Variants in DLG2 observed in about 807,000 individuals in gnomAD.
DLG2 encodes the protein discs large MAGUK scaffold protein 2, also known as disks large homolog 2.
Under a neutral mutation model 132.5 loss-of-function variants are expected in DLG2, and 45 were observed. The ratio of observed to expected loss-of-function variants is 0.34; its 90% CI spans 0.27 to 0.44. The LOEUF is 0.44. Ranked by LOEUF, DLG2 falls within the 20% of genes least tolerant of loss-of-function variation. The pLI, the probability that DLG2 is intolerant of heterozygous loss-of-function variation, is 1.00. For missense variants in DLG2, 1,045 were observed against 1,196.9 expected (o/e 0.87, Z 1.87); for synonymous variants, 424 against 419.6 (o/e 1.01, Z -0.13).
At chr11:85,387,070 T>C (rs1160437245) in intron 3 of DLG2, among the ~76,000 whole-genome samples, 2 of 151,998 alleles carry the variant, frequency 1.3e-5, no homozygotes, top group Admixed American at 6.6e-5. Context: ...GTATTTTTAG[T>C]AGAGACAGGG....
intron 7 of DLG2, among the ~76,000 whole-genome samples, chr11:84,504,269 G>A (rs1254072671): frequency 1.3e-5 from 2 of 152,220 alleles, no homozygotes; most frequent in East Asian, 1.9e-4. Flanking sequence ...ACAAAGGGGT[G>A]AAATGTTTCA....
chr11:85,620,214 C>T (rs756809865), intron 2 of DLG2, among the ~76,000 whole-genome samples: 96 of 152,170 alleles, frequency 6.3e-4, no homozygotes, highest in African/African-American at 2.0e-3. Context: ...TGTTTTGGGG[C>T]GCCACAAATC....
chr11:84,452,329 G>C (rs2099053873), intron 7 of DLG2, among the ~76,000 whole-genome samples: 1 of 151,702 alleles, frequency 6.6e-6, no homozygotes, highest in African/African-American at 2.4e-5. Context: ...GTGGAAAGCA[G>C]ATCTTGTAAG....
chr11:85,226,346 A>T (rs2074977020), intron 4 of DLG2, among the ~76,000 whole-genome samples: 1 of 152,128 alleles, frequency 6.6e-6, no homozygotes, highest in African/African-American at 2.4e-5. Context: ...ACAAACCAGG[A>T]TGTTGTGTGT....
chr11:84,093,287 G>T (rs948752554), intron 10 of DLG2, among the ~76,000 whole-genome samples: 2 of 152,140 alleles, frequency 1.3e-5, no homozygotes, highest in Admixed American at 1.3e-4. Flanking sequence ...CCTTGAGTTT[G>T]TGGGACTGAG....
intron 7 of DLG2, among the ~76,000 whole-genome samples, chr11:84,373,265 C>CAAAAAAAAAAAAAAAAAAAAAACAAAA (rs59038372): frequency 1.0e-5 from 1 of 98,090 alleles, no homozygotes; most frequent in Non-Finnish European, 1.8e-5. Context: ...AAAAAAAAAA[C>CAAAAAAAAAAAAAAAAAAAAAACAAAA]AAAACAAAAA....
chr11:85,600,552 T>C (rs918465885), intron 2 of DLG2, among the ~76,000 whole-genome samples: 1 of 152,244 alleles, frequency 6.6e-6, no homozygotes, highest in African/African-American at 2.4e-5. Context: ...CAACCTTTAA[T>C]TGTAAATTCC....
intron 7 of DLG2, among the ~76,000 whole-genome samples, chr11:84,385,152 T>C (rs149672815): frequency 6.6e-6 from 1 of 152,184 alleles, no homozygotes; most frequent in East Asian, 1.9e-4. Flanking sequence ...CTTCCACACT[T>C]AAACTGGTAC....
intron 18 of DLG2, among the ~76,000 whole-genome samples, chr11:83,703,196 G>A (rs912469858): frequency 6.6e-6 from 1 of 152,158 alleles, no homozygotes; most frequent in African/African-American, 2.4e-5. Flanking sequence ...GGAATATAAA[G>A]GGAATCTCTC....
intron 19 of DLG2, among the ~76,000 whole-genome samples, chr11:83,593,721 A>T (rs2097234692): frequency 6.6e-6 from 1 of 151,884 alleles, no homozygotes; most frequent in Non-Finnish European, 1.5e-5. Flanking sequence ...TATAAAAATC[A>T]TGTGGAAATC....
intron 19 of DLG2, among the ~76,000 whole-genome samples, chr11:83,609,569 G>A (rs1027185927): frequency 6.6e-6 from 1 of 152,124 alleles, no homozygotes; most frequent in Non-Finnish European, 1.5e-5. Context: ...ACCCAAAAAC[G>A]AAAATGTATT....
Position 83,624,472 on chromosome 11 carries a change from T to C in DLG2, c.1940+8739A>G, listed in dbSNP as rs183235018. On this transcript the variant is annotated intron_variant, in intron 19 of 27. Transcript: ENST00000376104. ...CCACAATTAAGGATACAACTAAAAA[T>C]GCAAATCCCTGAAAGAGTAAGCATT... 1.3e-3 allele frequency among the ~76,000 whole-genome samples: 194 copies of C among 152,282 alleles called. 1 individual carries two copies. The highest frequency in any genetic ancestry group is 4.5e-3 in the African/African-American group (188 of 41,566).
intron 6 of DLG2, among the ~76,000 whole-genome samples, chr11:84,906,413 C>CACAG (rs1555291378): frequency 2.3e-4 from 35 of 149,752 alleles, no homozygotes; most frequent in South Asian, 6.3e-4. Context: ...CACACACACA[C>CACAG]AGAGAGCCAA....
chr11:83,583,017 T>C (rs1275181837), intron 19 of DLG2, among the ~76,000 whole-genome samples: 2 of 152,206 alleles, frequency 1.3e-5, no homozygotes, highest in Non-Finnish European at 2.9e-5. Context: ...GGTACCAGCC[T>C]GAGGGTGTCT....
chr11:84,107,429 GATTA>G (rs1244184187), intron 9 of DLG2, among the ~76,000 whole-genome samples: 1 of 151,998 alleles, frequency 6.6e-6, no homozygotes, highest in East Asian at 1.9e-4. Context: ...TAATTATGCT[GATTA>G]ATTTATTAAT....
intron 3 of DLG2, among the ~76,000 whole-genome samples, chr11:85,561,442 C>A (rs2077241143): frequency 6.8e-6 from 1 of 146,202 alleles, no homozygotes; most frequent in Non-Finnish European, 1.5e-5. Context: ...AAACCCTGCA[C>A]TTCCTACCAG....
At chr11:85,236,996 T>G (rs141113517) in intron 4 of DLG2, among the ~76,000 whole-genome samples, 69 of 152,202 alleles carry the variant, frequency 4.5e-4, no homozygotes, top group Non-Finnish European at 1.5e-4. Flanking sequence ...ACAAACTACA[T>G]GTCTATGTGT....
In DLG2 at chr11:83,459,158, A is replaced by G. The variant is rs1055337285; in HGVS notation, c.*660T>C. On this transcript the variant is annotated 3_prime_UTR_variant, in exon 28 of 28. Transcript: ENST00000376104. ...GCCTTCTTTCAGTTTATAAATGGCA[A>G]AATAGGCAATCAACAATCATAAAGC... 5.2e-5 allele frequency: 8 copies of G among 152,750 alleles called. No individual in the cohort carries two copies. The highest frequency in any genetic ancestry group is 1.7e-4 in the African/African-American group (7 of 41,562). The allele number at this position is 152,750 out of a possible 1,614,324, so 9.5% of individuals were successfully genotyped here. A position where few individuals can be genotyped will look rare whatever the true frequency, so the allele number is the denominator to read the frequency against.
At chr11:83,786,647 A>C (rs756718610) in intron 18 of DLG2, 43 bp downstream of exon 18, 24 of 1,521,284 alleles carry the variant, frequency 1.6e-5, no homozygotes, top group African/African-American at 5.5e-5. Context: ...ACAGATCCAC[A>C]CAGAGACATA....
Sources: allele counts gnomAD v4.1 joint callset (sites outside exome capture counted in the v4.1 genomes callset), GRCh38; gene constraint gnomAD v4.1.1; transcripts MANE v1.5; gene names NCBI Gene and HGNC (gene_info 2026-07-23, HGNC 2026-07-21).